Variants in GFRA1 observed in about 807,000 individuals in gnomAD.
The protein encoded by GFRA1 is GDNF family receptor alpha-1.
A neutral mutation model predicts 51.6 loss-of-function variants in GFRA1; 16 were observed. That is an observed-to-expected ratio of 0.31 (90% confidence interval 0.21 to 0.47). The LOEUF (loss-of-function observed/expected upper bound fraction) is 0.47. GFRA1 is among the 20% of genes least tolerant of loss of function. GFRA1 has a pLI of 1.00. For missense variants in GFRA1, 530 were observed against 594.3 expected (o/e 0.89, Z 1.13); for synonymous variants, 270 against 241.3 (o/e 1.12, Z -1.10).
At chr10:116,108,934 G>C (rs889283906) in intron 6 of GFRA1, among the ~76,000 whole-genome samples, 3 of 152,174 alleles carry the variant, frequency 2.0e-5, no homozygotes, top group African/African-American at 7.2e-5. Flanking sequence ...ATAGAGTAAG[G>C]CTCCAATCAC....
At chr10:116,240,839 G>A (rs951002321) in intron 4 of GFRA1, among the ~76,000 whole-genome samples, 1 of 151,940 alleles carries the variant, frequency 6.6e-6, no homozygotes, top group Non-Finnish European at 1.5e-5. Flanking sequence ...TAACACACAG[G>A]GTGCACACTC....
chr10:116,182,210 A>G (rs1192965001), intron 5 of GFRA1, among the ~76,000 whole-genome samples: 1 of 151,752 alleles, frequency 6.6e-6, no homozygotes, highest in Non-Finnish European at 1.5e-5. Context: ...TCCCTTGTAC[A>G]GTGCAATGAT....
At chr10:116,227,335 T>C (rs948318452) in intron 4 of GFRA1, among the ~76,000 whole-genome samples, 2 of 152,242 alleles carry the variant, frequency 1.3e-5, no homozygotes, top group African/African-American at 2.4e-5. Context: ...CTATGTTTAC[T>C]GCCTTTTTCA....
At chr10:116,163,365 C>T (rs1342154405) in intron 5 of GFRA1, among the ~76,000 whole-genome samples, 2 of 152,200 alleles carry the variant, frequency 1.3e-5, no homozygotes, top group Non-Finnish European at 2.9e-5. Flanking sequence ...CATAGCTCGA[C>T]ATTGCAGACA....
chr10:116,219,279 G>A (rs1965768659), intron 4 of GFRA1, among the ~76,000 whole-genome samples: 1 of 152,134 alleles, frequency 6.6e-6, no homozygotes, highest in Non-Finnish European at 1.5e-5. Flanking sequence ...ATTGCATTCT[G>A]TATACTATGA....
intron 4 of GFRA1, among the ~76,000 whole-genome samples, chr10:116,216,181 T>C (rs1254427645): frequency 3.3e-5 from 5 of 152,198 alleles, no homozygotes; most frequent in African/African-American, 1.2e-4. Context: ...GCAATTAGGC[T>C]GGGTGATTCC....
chr10:116,100,247 T>C (rs908598166), intron 6 of GFRA1, among the ~76,000 whole-genome samples: 5 of 152,220 alleles, frequency 3.3e-5, no homozygotes, highest in African/African-American at 1.2e-4. Context: ...CAGGTACTGA[T>C]TTAACGACTT....
intron 6 of GFRA1, among the ~76,000 whole-genome samples, chr10:116,104,328 C>T (rs1383802097): frequency 6.6e-6 from 1 of 152,226 alleles, no homozygotes; most frequent in Non-Finnish European, 1.5e-5. Flanking sequence ...AATCCCTGCT[C>T]AGCCTCATCC....
intron 4 of GFRA1, 126 bp from the exon 5 acceptor site, chr10:116,211,771 A>G (rs1216374785): frequency 1.3e-6 from 1 of 760,400 alleles, no homozygotes; most frequent in East Asian, 2.7e-5. Flanking sequence ...CACTCTATGC[A>G]TATTTCCTTT....
At chr10:116,064,611 C>T (rs896045167) in intron 10 of GFRA1, 67 bp from the exon 11 acceptor site, 1 of 1,429,078 alleles carries the variant, frequency 7.0e-7, no homozygotes, top group Non-Finnish European at 9.9e-7. Context: ...ATACTTTACA[C>T]TCTCTCTCCC....
chr10:116,074,858 T>C (rs1201532815), intron 9 of GFRA1, among the ~76,000 whole-genome samples: 1 of 152,208 alleles, frequency 6.6e-6, no homozygotes, highest in Non-Finnish European at 1.5e-5. Context: ...GGGAACATGG[T>C]TGGCTAGAAG....
intron 6 of GFRA1, among the ~76,000 whole-genome samples, chr10:116,098,327 G>C (rs1467333629): frequency 1.3e-5 from 2 of 152,238 alleles, no homozygotes; most frequent in Non-Finnish European, 2.9e-5. Flanking sequence ...TCCGTGCCTT[G>C]CTGGTGTTTC....
At chr10:116,203,512 G>T (rs2694759) in intron 5 of GFRA1, among the ~76,000 whole-genome samples, 2,814 of 152,312 alleles carry the variant, frequency 0.018, 86 homozygotes, top group African/African-American at 0.064. Context: ...CTGGCTGGAG[G>T]GGACTGTGCA....
At chr10:116,107,631 C>T (rs1453681707) in intron 6 of GFRA1, among the ~76,000 whole-genome samples, 1 of 152,090 alleles carries the variant, frequency 6.6e-6, no homozygotes, top group African/African-American at 2.4e-5. Flanking sequence ...CAGGCCACTA[C>T]CTGTGGACCC....
At chr10:116,185,573 T>C (rs1962628892) in intron 5 of GFRA1, among the ~76,000 whole-genome samples, 1 of 152,090 alleles carries the variant, frequency 6.6e-6, no homozygotes, top group Admixed American at 6.5e-5. Context: ...CTGACTAGTG[T>C]TGGATTCAGA....
At chr10:116,132,213 G>A (rs1184250534) in intron 5 of GFRA1, among the ~76,000 whole-genome samples, 3 of 151,980 alleles carry the variant, frequency 2.0e-5, no homozygotes, top group Admixed American at 2.0e-4. Context: ...GTGTCTCAAA[G>A]AACAAACAAA....
chr10:116,179,830 G>T (rs1171335306), intron 5 of GFRA1, among the ~76,000 whole-genome samples: 1 of 152,172 alleles, frequency 6.6e-6, no homozygotes. Flanking sequence ...GCGAGCAGAT[G>T]CTGTATACAG....
intron 5 of GFRA1, among the ~76,000 whole-genome samples, chr10:116,189,177 G>A (rs1963024642): frequency 6.6e-6 from 1 of 151,762 alleles, no homozygotes; most frequent in Admixed American, 6.6e-5. Context: ...CAGAAAAATG[G>A]TTATGCCTCT....
chr10:116,274,425 G>A (rs1163979418), upstream of GFRA1, among the ~76,000 whole-genome samples: 1 of 152,342 alleles, frequency 6.6e-6, no homozygotes, highest in African/African-American at 2.4e-5. Context: ...TTTGATCGAG[G>A]GGGGTAAATT....
Sources: allele counts gnomAD v4.1 joint callset (sites outside exome capture counted in the v4.1 genomes callset), GRCh38; gene constraint gnomAD v4.1.1; transcripts MANE v1.5; gene names NCBI Gene and HGNC (gene_info 2026-07-23, HGNC 2026-07-21).